PDZK1: variants seen among roughly 807,000 people sequenced by gnomAD.
The protein encoded by PDZK1 is PDZ domain containing 1.
Under a neutral mutation model 38.1 loss-of-function variants are expected in PDZK1, and 23 were observed. The observed-to-expected ratio is 0.60, with a 90% CI of 0.43 to 0.85. The LOEUF (loss-of-function observed/expected upper bound fraction) is 0.85. Among genes scored for constraint, PDZK1 ranks in the 40% least tolerant of loss-of-function variants. PDZK1 has a pLI of 0.00. For missense variants in PDZK1, 297 were observed against 504.3 expected (o/e 0.59, Z 3.94); for synonymous variants, 98 against 186.2 (o/e 0.53, Z 3.86).
intron 3 of PDZK1, among the ~76,000 whole-genome samples, chr1:145,683,779 G>A (rs1314420728): frequency 6.6e-6 from 1 of 151,240 alleles, no homozygotes; most frequent in Non-Finnish European, 1.5e-5. Context: ...AGCAACCTCA[G>A]CATACAGTAT....
intron 1 of PDZK1, 138 bp downstream of exon 1, chr1:145,707,179 C>G (rs1656290598): frequency 6.6e-6 from 1 of 152,400 alleles, no homozygotes; most frequent in African/African-American, 2.4e-5. Context: ...AGGGGCCTGG[C>G]TGCCTCCCCA....
At chr1:145,674,807 C>T (rs1193872026) in intron 6 of PDZK1, among the ~76,000 whole-genome samples, 1 of 152,076 alleles carries the variant, frequency 6.6e-6, no homozygotes, top group Non-Finnish European at 1.5e-5. Flanking sequence ...TAATTAATCT[C>T]CTCTCATACC....
At position 145,677,893 on chromosome 1, in the gene PDZK1, A is replaced by C. The variant is rs1571583487; in HGVS notation, c.990+556T>G. 3.1e-5 allele frequency among the ~76,000 whole-genome samples: 4 copies of C among 130,068 alleles called. No individual in the cohort carries two copies. The Admixed American group carries it at 3.4e-4, about 11-fold the overall frequency. 85.3% of individuals were successfully genotyped at this position (130,068 alleles called of 152,430 possible). A position where few individuals can be genotyped will look rare whatever the true frequency, so the allele number is the denominator to read the frequency against. ...GTTATCTGTTAAACTAGACAACCTC[A>C]GTTCTTGTGTTAAAAGTAAAAAAAA... On this transcript the variant is annotated intron_variant, in intron 6 of 8. Coordinates refer to ENST00000417171, the MANE Select transcript of PDZK1 (RefSeq NM_001201325.2).
In PDZK1 at chr1:145,687,316, G is replaced by A. The variant is rs587747053; in HGVS notation, c.210+496C>T. On this transcript the variant is annotated intron_variant, in intron 2 of 8. Coordinates refer to ENST00000417171, the MANE Select transcript of PDZK1 (RefSeq NM_001201325.2). ...GGGCGGATCACGAGGTCAGGAGATC[G>A]AGACCATCCTGGCTAACACGGTGAA... 7.9e-4 allele frequency among the ~76,000 whole-genome samples: 119 copies of A among 150,388 alleles called. 3 individuals carry two copies. The highest frequency in any genetic ancestry group is 2.7e-3 in the African/African-American group (112 of 40,830).
Position 145,685,042 on chromosome 1 carries a change from A to AG in PDZK1, c.460+1434dup, listed in dbSNP as rs1289401851. On this transcript the variant is annotated intron_variant, in intron 3 of 8. Transcript: ENST00000417171. ...AGGCAGGTAAGCACATGCCACGTGGAGATGCTAGACAAACAGAGGATTCAT... is the reference window on the plus strand; with the variant it reads ...AGGCAGGTAAGCACATGCCACGTGGAGGATGCTAGACAAACAGAGGATTCAT... 1.6e-4 allele frequency among the ~76,000 whole-genome samples: 25 copies of AG among 152,086 alleles called. 1 individual carries two copies. Among genetic ancestry groups the AG allele is most frequent in the Admixed American group, 1.6e-3 (25 of 15,264 alleles).
chr1:145,696,289 G>A (rs1655624789), intron 1 of PDZK1, among the ~76,000 whole-genome samples: 1 of 152,112 alleles, frequency 6.6e-6, no homozygotes, highest in Admixed American at 6.5e-5. Flanking sequence ...TGATAACCCT[G>A]GCTCAGTATT....
intron 1 of PDZK1, among the ~76,000 whole-genome samples, chr1:145,698,037 G>A (rs192146681): frequency 2.0e-5 from 3 of 151,970 alleles, no homozygotes; most frequent in African/African-American, 7.2e-5. Flanking sequence ...TTCTCCAGGG[G>A]CAGAAGAGAA....
intron 3 of PDZK1, 133 bp from the exon 4 acceptor site, chr1:145,682,769 T>C: frequency 8.3e-7 from 1 of 1,202,438 alleles, no homozygotes; most frequent in Non-Finnish European, 1.2e-6. Flanking sequence ...TTACTGTCCC[T>C]AGTCTAAGAA....
At chr1:145,697,251 C>T (rs891207451) in intron 1 of PDZK1, among the ~76,000 whole-genome samples, 4 of 151,022 alleles carry the variant, frequency 2.6e-5, no homozygotes, top group African/African-American at 7.3e-5. Flanking sequence ...CGCTTGAACC[C>T]GGGAGGCAGT....
chr1:145,689,150 C>T (rs781944220), intron 1 of PDZK1, among the ~76,000 whole-genome samples: 10 of 152,320 alleles, frequency 6.6e-5, no homozygotes, highest in Non-Finnish European at 1.2e-4. Flanking sequence ...GTGGCGCAAT[C>T]GCAGCTCACT....
intron 1 of PDZK1, among the ~76,000 whole-genome samples, chr1:145,696,564 G>A (rs1439030102): frequency 6.6e-6 from 1 of 152,222 alleles, no homozygotes; most frequent in Non-Finnish European, 1.5e-5. Flanking sequence ...AGCCATGTGA[G>A]GACACAGGGA....
In PDZK1 at chr1:145,675,176, C is replaced by T. The variant is rs1267835810; in HGVS notation, c.991-1295G>A. Among the ~76,000 whole-genome samples the T allele has an allele frequency of 2.0e-5, 3 of 150,006 alleles. 1 individual carries two copies. Among genetic ancestry groups the T allele is most frequent in the African/African-American group, 7.6e-5 (3 of 39,510 alleles). On this transcript the variant is annotated intron_variant, in intron 6 of 8. Transcript: ENST00000417171. ...GTAAAGAAATGATGATCTTGAATAC[C>T]GAAGAGGCATAGAACAGGAAACAGG...
At chr1:145,706,244 A>G (rs1264447407) in intron 1 of PDZK1, among the ~76,000 whole-genome samples, 1 of 152,232 alleles carries the variant, frequency 6.6e-6, no homozygotes, top group Non-Finnish European at 1.5e-5. Context: ...GGGGAGAAGT[A>G]GCTGCCTAGC....
chr1:145,672,627 T>G (rs1359913352), intron 8 of PDZK1, 103 bp downstream of exon 8: 3 of 1,467,140 alleles, frequency 2.0e-6, no homozygotes, highest in African/African-American at 2.8e-5. Flanking sequence ...CATTTTCTAG[T>G]TTTAAAAAAA....
rs191329281 is a variant in PDZK1, at chr1:145,671,355, A to G, written c.*81T>C. 6.2e-7 allele frequency: 1 copy of G among 1,605,042 alleles called. No individual in the cohort carries two copies. Among genetic ancestry groups the G allele is most frequent in the East Asian group, 2.2e-5 (1 of 44,602 alleles). Reference sequence around the variant, plus strand: ...CTAAAGAGACAGTAAACAGGTCACAACTCATTCCTTGAGAAAGGATTCCTA... The same window carrying G: ...CTAAAGAGACAGTAAACAGGTCACAGCTCATTCCTTGAGAAAGGATTCCTA... On this transcript the variant is annotated 3_prime_UTR_variant, in exon 9 of 9. Transcript: ENST00000417171.
intron 1 of PDZK1, among the ~76,000 whole-genome samples, chr1:145,692,875 C>CA (rs1207975987): frequency 0.01 from 1,470 of 141,174 alleles, 14 homozygotes; most frequent in African/African-American, 0.025. Flanking sequence ...TCCTAAAATT[C>CA]AAAAAAAAAA....
intron 3 of PDZK1, among the ~76,000 whole-genome samples, chr1:145,683,810 C>T (rs1457458025): frequency 3.3e-5 from 5 of 150,382 alleles, no homozygotes; most frequent in Non-Finnish European, 4.4e-5. Flanking sequence ...CTTATTAAAT[C>T]GAGAACTTTT....
At chr1:145,680,274 C>G (rs1237241379) in intron 5 of PDZK1, among the ~76,000 whole-genome samples, 1 of 151,986 alleles carries the variant, frequency 6.6e-6, no homozygotes, top group Non-Finnish European at 1.5e-5. Flanking sequence ...AAACACAAAC[C>G]AAATTAATAT....
intron 1 of PDZK1, among the ~76,000 whole-genome samples, chr1:145,706,137 G>A (rs587761723): frequency 1.3e-5 from 2 of 152,294 alleles, no homozygotes; most frequent in East Asian, 3.9e-4. Flanking sequence ...ATGAAATTGA[G>A]GCTCCAGTTG....
Sources: allele counts gnomAD v4.1 joint callset (sites outside exome capture counted in the v4.1 genomes callset), GRCh38; gene constraint gnomAD v4.1.1; transcripts MANE v1.5; gene names NCBI Gene and HGNC (gene_info 2026-07-23, HGNC 2026-07-21).